Variants in PCDH11X observed in about 807,000 individuals in gnomAD.
The protein encoded by PCDH11X is protocadherin 11 X-linked.
A neutral mutation model predicts 53.3 loss-of-function variants in PCDH11X; 18 were observed. The ratio of observed to expected loss-of-function variants is 0.34; its 90% CI spans 0.23 to 0.50. PCDH11X has a LOEUF of 0.50. Among genes scored for constraint, PCDH11X ranks in the 20% least tolerant of loss-of-function variants. The probability of loss-of-function intolerance (pLI) is 0.98; values close to 1 mark genes in which losing one functional copy is unlikely to be tolerated. For missense variants in PCDH11X, 570 were observed against 1,032.4 expected (o/e 0.55, Z 6.14); for synonymous variants, 279 against 393.3 (o/e 0.71, Z 3.44).
At chrX:92,304,687 T>C (rs2068789765) in intron 8 of PCDH11X, among the ~76,000 whole-genome samples, 1 of 111,934 alleles carries the variant, frequency 8.9e-6, no homozygotes, top group Admixed American at 9.5e-5. Flanking sequence ...ATTCCCTGGC[T>C]CAGAAAATAT....
At chrX:92,422,009 T>G (rs2071978641) in intron 9 of PCDH11X, among the ~76,000 whole-genome samples, 1 of 110,731 alleles carries the variant, frequency 9.0e-6, no homozygotes, top group African/African-American at 3.3e-5. Context: ...TCTAAAATTT[T>G]TATTTGATTA....
intron 6 of PCDH11X, among the ~76,000 whole-genome samples, chrX:91,897,786 C>T (rs1345224042): frequency 9.0e-6 from 1 of 110,891 alleles, no homozygotes; most frequent in East Asian, 2.8e-4. Context: ...TAACTCCTTA[C>T]GTCCACTTAG....
chrX:92,475,266 T>G lies in PCDH11X; in HGVS notation c.3367+6944T>G, dbSNP rs754147261. Among the ~76,000 whole-genome samples the G allele has an allele frequency of 2.1e-4, 23 of 109,222 alleles. No individual in the cohort carries two copies. In the South Asian group the frequency reaches 9.1e-3, roughly 43 times the overall value. 94.8% of individuals were successfully genotyped at this position (109,222 alleles called of 115,157 possible). A position where few individuals can be genotyped will look rare whatever the true frequency, so the allele number is the denominator to read the frequency against. On this transcript the variant is annotated intron_variant, in intron 10 of 10. Coordinates refer to ENST00000682573, the MANE Select transcript of PCDH11X (RefSeq NM_032968.5). ...TTGTGTATTTACTATTACCAGTCAG[T>G]TTTGTACCTTTGTATGAATTCTTGT... is the stretch of plus-strand genomic sequence containing the variant.
chrX:92,214,615 T>C (rs1379107604), intron 7 of PCDH11X, among the ~76,000 whole-genome samples: 1 of 111,525 alleles, frequency 9.0e-6, no homozygotes, highest in East Asian at 2.8e-4. Context: ...TCCAATCCCA[T>C]CTGAAAATTG....
intron 6 of PCDH11X, among the ~76,000 whole-genome samples, chrX:92,196,175 C>T (rs761069768): frequency 1.8e-5 from 2 of 111,674 alleles, no homozygotes; most frequent in South Asian, 3.7e-4. Flanking sequence ...CAAGTCTAAA[C>T]GTATTTTATC....
At chrX:91,959,312 C>T (rs1204475199) in intron 6 of PCDH11X, among the ~76,000 whole-genome samples, 1 of 110,901 alleles carries the variant, frequency 9.0e-6, no homozygotes, top group Non-Finnish European at 1.9e-5. Flanking sequence ...GATGAGAACA[C>T]TTGACATCTA....
Position 92,053,763 on chromosome X carries a change from G to A in PCDH11X, c.3034-147612G>A, listed in dbSNP as rs373599992. On this transcript the variant is annotated intron_variant, in intron 6 of 10. Transcript: ENST00000682573. ...TTTTTGTATTTTTAGTAGAGACGGC[G>A]TTTCACCATCTTGGCCAGGCTGGTC... 8.8e-4 allele frequency among the ~76,000 whole-genome samples: 96 copies of A among 109,685 alleles called. 2 individuals carry two copies. The South Asian group carries it at 0.031, about 35-fold the overall frequency.
chrX:92,341,850 A>G (rs921792308), intron 8 of PCDH11X, among the ~76,000 whole-genome samples: 11 of 112,186 alleles, frequency 9.8e-5, no homozygotes, highest in African/African-American at 3.6e-4. Context: ...ACCGAATTAA[A>G]CTAAAGAGAT....
At chrX:92,538,496 T>C (rs2074705646) in intron 10 of PCDH11X, among the ~76,000 whole-genome samples, 1 of 110,096 alleles carries the variant, frequency 9.1e-6, no homozygotes, top group Non-Finnish European at 1.9e-5. Flanking sequence ...TCAGGTGATA[T>C]GATTTAATTT....
chrX:92,132,645 A>ATATATG (rs2065006553), intron 6 of PCDH11X, among the ~76,000 whole-genome samples: 5 of 58,166 alleles, frequency 8.6e-5, no homozygotes, highest in East Asian at 8.8e-4. Flanking sequence ...GTATATATAT[A>ATATATG]TATATATATA....
chrX:92,078,700 G>T (rs980614161), intron 6 of PCDH11X, among the ~76,000 whole-genome samples: 79 of 110,417 alleles, frequency 7.2e-4, no homozygotes, highest in Non-Finnish European at 1.2e-3. Context: ...AAGCCTACTT[G>T]CCAGGAATAG....
intron 6 of PCDH11X, among the ~76,000 whole-genome samples, chrX:92,143,880 G>C (rs1227862603): frequency 8.1e-5 from 9 of 111,430 alleles, no homozygotes; most frequent in Non-Finnish European, 1.5e-4. Flanking sequence ...CACAAGGGAG[G>C]CTGTACCTTG....
intron 10 of PCDH11X, among the ~76,000 whole-genome samples, chrX:92,568,597 T>C (rs1039597736): frequency 3.6e-5 from 4 of 109,895 alleles, no homozygotes; most frequent in African/African-American, 1.3e-4. Context: ...CTCTGCCTTT[T>C]TGAGTAATAT....
chrX:92,236,892 G>A (rs1048595039), intron 7 of PCDH11X, among the ~76,000 whole-genome samples: 26 of 111,804 alleles, frequency 2.3e-4, no homozygotes, highest in African/African-American at 7.8e-4. Context: ...ACAACTTGAT[G>A]CTCACTGAGA....
At chrX:92,191,648 T>C (rs2066195284) in intron 6 of PCDH11X, among the ~76,000 whole-genome samples, 1 of 112,344 alleles carries the variant, frequency 8.9e-6, no homozygotes, top group Non-Finnish European at 1.9e-5. Flanking sequence ...TTATTTAGGT[T>C]TGGCAGGCAA....
At chrX:91,815,094 A>G (rs1936412351) in intron 4 of PCDH11X, among the ~76,000 whole-genome samples, 1 of 110,884 alleles carries the variant, frequency 9.0e-6, no homozygotes. Flanking sequence ...GAGAATTTAA[A>G]TAACTTGCAT....
At chrX:91,952,353 A>T (rs1174179436) in intron 6 of PCDH11X, among the ~76,000 whole-genome samples, 1 of 110,118 alleles carries the variant, frequency 9.1e-6, no homozygotes, top group Non-Finnish European at 1.9e-5. Flanking sequence ...AAATTTTATG[A>T]TTTTTCTTAA....
intron 9 of PCDH11X, among the ~76,000 whole-genome samples, chrX:92,464,381 G>C (rs182667269): frequency 9.0e-6 from 1 of 110,600 alleles, no homozygotes; most frequent in Admixed American, 9.6e-5. Flanking sequence ...TTATGATAAC[G>C]AGTGAGTTCT....
intron 6 of PCDH11X, among the ~76,000 whole-genome samples, chrX:91,880,254 C>A (rs1239149193): frequency 7.2e-5 from 8 of 110,807 alleles, no homozygotes; most frequent in Non-Finnish European, 1.3e-4. Flanking sequence ...TGGAATTTAC[C>A]CACATTTTTT....
Sources: allele counts gnomAD v4.1 joint callset (sites outside exome capture counted in the v4.1 genomes callset), GRCh38; gene constraint gnomAD v4.1.1; transcripts MANE v1.5; gene names NCBI Gene and HGNC (gene_info 2026-07-23, HGNC 2026-07-21).